The following MADCAM1 variants were observed in gnomAD, a reference collection of about 807,000 sequenced individuals.
The protein encoded by MADCAM1 is mucosal vascular addressin cell adhesion molecule 1, also known as mucosal addressin cell adhesion molecule 1.
In MADCAM1, 19 loss-of-function variants were observed where a neutral mutation model predicts 26.1. That is an observed-to-expected ratio of 0.73 (90% CI 0.51 to 1.07). MADCAM1 has a LOEUF of 1.07. MADCAM1 is among the 50% of genes least tolerant of loss of function. The pLI is 0.00. For synonymous variants in MADCAM1, 268 were observed against 260.9 expected, an observed-to-expected ratio of 1.03 and a Z score of -0.26; for missense variants, 514 against 542.1, an observed-to-expected ratio of 0.95 and a Z score of 0.51.
chr19:497,501 T>A, intron 1 of MADCAM1, among the ~76,000 whole-genome samples: 1 of 59,042 alleles, frequency 1.7e-5, no homozygotes. Flanking sequence ...AGATAGGGGG[T>A]GATTGGTGAT....
intron 3 of MADCAM1, among the ~76,000 whole-genome samples, chr19:500,780 G>A (rs955507063): frequency 1.6e-4 from 24 of 152,134 alleles, no homozygotes; most frequent in Non-Finnish European, 3.4e-4. Context: ...TGAGGCGGGA[G>A]AATCGCTTGA....
intron 3 of MADCAM1, chr19:499,119 T>C: frequency 1.6e-6 from 1 of 621,234 alleles, no homozygotes; most frequent in East Asian, 3.3e-5. Flanking sequence ...CCCTGTCCCC[T>C]TCCTGTCCTC....
intron 3 of MADCAM1, chr19:500,191 C>T (rs770383149): frequency 1.3e-5 from 6 of 456,306 alleles, no homozygotes; most frequent in South Asian, 7.7e-5. Context: ...TCATAATAAA[C>T]GCGGGACCCA....
chr19:498,378 T>TC, intron 2 of MADCAM1, 118 bp from the exon 3 acceptor site: 1 of 1,128,932 alleles, frequency 8.9e-7, no homozygotes, highest in Non-Finnish European at 1.2e-6. Context: ...TACTGCCTGT[T>TC]CATCAGCAGC....
intron 3 of MADCAM1, among the ~76,000 whole-genome samples, chr19:500,987 G>C (rs1170587883): frequency 1.3e-5 from 2 of 151,976 alleles, no homozygotes; most frequent in Non-Finnish European, 2.9e-5. Context: ...AGGAGTTCCA[G>C]ACCAGCTTGG....
At chr19:498,976 G>A in intron 3 of MADCAM1, 151 bp downstream of exon 3, 8 of 1,189,694 alleles carry the variant, frequency 6.7e-6, no homozygotes, top group Admixed American at 2.1e-5. Context: ...ATTCATCGAC[G>A]CAACATGTAT....
At chr19:503,390 G>C (rs1225809159) in intron 4 of MADCAM1, among the ~76,000 whole-genome samples, 2 of 151,378 alleles carry the variant, frequency 1.3e-5, no homozygotes, top group Non-Finnish European at 2.9e-5. Flanking sequence ...GACCATCCTG[G>C]CTAACACGGT....
intron 4 of MADCAM1, among the ~76,000 whole-genome samples, chr19:502,637 G>GC (rs1978400798): frequency 6.6e-6 from 1 of 152,128 alleles, no homozygotes; most frequent in Non-Finnish European, 1.5e-5. Flanking sequence ...GTCCCCCAGT[G>GC]CCACAAAGAA....
At chr19:497,331 G>C in intron 1 of MADCAM1, among the ~76,000 whole-genome samples, 1 of 77,972 alleles carries the variant, frequency 1.3e-5, no homozygotes, top group Non-Finnish European at 2.6e-5. Context: ...AAGAGAAGGG[G>C]GGCCCGGGAG....
intron 3 of MADCAM1, chr19:499,696 C>A: frequency 2.5e-6 from 1 of 397,306 alleles, no homozygotes. Flanking sequence ...AATCTTGTGT[C>A]GCGCACGGCT....
At chr19:500,202 C>T (rs1360315813) in intron 3 of MADCAM1, 7 of 456,174 alleles carry the variant, frequency 1.5e-5, no homozygotes, top group Non-Finnish European at 3.1e-5. Flanking sequence ...GCGGGACCCA[C>T]TCGCTCTCAG....
chr19:503,273 C>T lies in MADCAM1; in HGVS notation c.928+1344C>T, dbSNP rs1415512066. Among the ~76,000 whole-genome samples, 6 of 123,516 alleles carry T rather than the reference C, an allele frequency of 4.9e-5. No homozygotes were observed. The South Asian group carries it at 1.1e-3, about 22-fold the overall frequency. The allele number at this position is 123,516 out of a possible 152,430, so 81.0% of individuals were successfully genotyped here. A position where few individuals can be genotyped will look rare whatever the true frequency, so the allele number is the denominator to read the frequency against. On this transcript the variant is annotated intron_variant, in intron 4 of 4. Transcript: ENST00000215637. ...CTGCACTCCAGCCTGGGGCACAGAG[C>T]GAGACTCCATCTCAAAAAAAAAAAT...
At position 497,861 on chromosome 19, in the gene MADCAM1, G is replaced by A; in HGVS notation, c.81G>A (p.Gln27=). The stretch of plus-strand genomic sequence containing the variant: ...AGTCCCTCCAGGTGAAGCCCCTGCA[G>A]GTGGAGCCCCCGGAGCCGGTGGTGG... ...LGQSLQVKPL[Q]VEPPEPVVAV... The change falls in exon 2 of 5, where the codon CAG becomes CAA. Residue 27 remains glutamine (Q), a synonymous_variant. Transcript: ENST00000215637. The A allele has an allele frequency of 7.5e-7, 1 of 1,337,932 alleles. No homozygotes were observed. The allele number at this position is 1,337,932 out of a possible 1,614,324, so 82.9% of individuals were successfully genotyped here. A position where few individuals can be genotyped will look rare whatever the true frequency, so the allele number is the denominator to read the frequency against.
chr19:503,316 T>G (rs1250833680), intron 4 of MADCAM1, among the ~76,000 whole-genome samples: 1 of 143,792 alleles, frequency 7.0e-6, no homozygotes, highest in Non-Finnish European at 1.5e-5. Flanking sequence ...GCACGGTGGC[T>G]TATGCCTGTA....
rs757215004 is a variant in MADCAM1, at chr19:498,841, G to A, written c.667+16G>A. 8.9e-6 allele frequency: 11 copies of A among 1,238,468 alleles called. No individual in the cohort carries two copies. Among genetic ancestry groups the A allele is most frequent in the South Asian group, 3.8e-5 (3 of 78,138 alleles). The allele number at this position is 1,238,468 out of a possible 1,614,324, so 76.7% of individuals were successfully genotyped here. On this transcript the variant is annotated intron_variant, in intron 3 of 4. Coordinates refer to ENST00000215637, the MANE Select transcript of MADCAM1 (RefSeq NM_130760.3). ...GCCATCCCCGGTGAGTCCGCTGGGTGCCCTGGAGACCCACCCGCTCGCCAG... is the reference window on the plus strand; with the variant it reads ...GCCATCCCCGGTGAGTCCGCTGGGTACCCTGGAGACCCACCCGCTCGCCAG...
At position 496,533 on chromosome 19, in the gene MADCAM1, C is replaced by T. The variant is rs758823933; in HGVS notation, c.34C>T (p.Leu12Phe). ...DFGLALLLAGLLGLLLGQSLQ... is the reference protein window; with the variant it reads ...DFGLALLLAGFLGLLLGQSLQ... ...CGGACTGGCCCTCCTGCTGGCGGGG[C>T]TTCTGGGGCTCCTCCTCGGTGAGAA... The change falls in exon 1 of 5, where the codon CTT (leucine) becomes TTT (phenylalanine). Residue 12 changes from leucine (L) to phenylalanine (F), a missense_variant. Physicochemically the swap from Leu to Phe is conservative, Grantham distance 22. Transcript: ENST00000215637. 11 of 1,304,570 alleles carry T rather than the reference C, an allele frequency of 8.4e-6. No individual in the cohort carries two copies. The highest frequency in any genetic ancestry group is 1.1e-5 in the Non-Finnish European group (11 of 1,020,634). The allele number at this position is 1,304,570 out of a possible 1,614,324, so 80.8% of individuals were successfully genotyped here.
intron 1 of MADCAM1, 52 bp from the exon 2 acceptor site, chr19:497,781 G>T (rs1374957824): frequency 4.1e-6 from 5 of 1,230,496 alleles, no homozygotes; most frequent in Non-Finnish European, 5.1e-6. Context: ...GGCCGGTGGC[G>T]GGGCGGGGTC....
chr19:504,255 C>CTTTT (rs141972615), intron 4 of MADCAM1, among the ~76,000 whole-genome samples: 2 of 88,152 alleles, frequency 2.3e-5, no homozygotes, highest in Non-Finnish European at 4.5e-5. Context: ...CCGGTCTGCC[C>CTTTT]TTTTTTTTTT....
Position 497,971 on chromosome 19 carries a change from A to G in MADCAM1, c.191A>G (p.Asp64Gly). ...RGASVQWRGL[D>G]TSLGAVQSDT... ...GCCTCGGTGCAGTGGCGGGGCCTGG[A>G]CACCAGCCTGGGCGCGGTGCAGTCG... Residue 64 changes from aspartate to glycine, a missense_variant, in exon 2 of 5, where the codon GAC becomes GGC. Asp to Gly is a moderately conservative substitution (Grantham distance 94, BLOSUM62 -1). Transcript: ENST00000215637. 6.7e-7 allele frequency: 1 copy of G among 1,495,318 alleles called. No individual in the cohort carries two copies. Among genetic ancestry groups the G allele is most frequent in the Non-Finnish European group, 8.9e-7 (1 of 1,128,808 alleles). 92.6% of individuals were successfully genotyped at this position (1,495,318 alleles called of 1,614,324 possible).
Sources: allele counts gnomAD v4.1 joint callset (sites outside exome capture counted in the v4.1 genomes callset), GRCh38; gene constraint gnomAD v4.1.1; transcripts MANE v1.5; gene names NCBI Gene and HGNC (gene_info 2026-07-23, HGNC 2026-07-21).